ADGRL1: variants seen among roughly 807,000 people sequenced by gnomAD.
ADGRL1 encodes the protein adhesion G protein-coupled receptor L1.
A neutral mutation model predicts 148.9 loss-of-function variants in ADGRL1; 31 were observed. That is an observed-to-expected ratio of 0.21 (90% CI 0.16 to 0.28). ADGRL1 has a LOEUF of 0.28. Among genes scored for constraint, ADGRL1 ranks in the 10% least tolerant of loss-of-function variants. The pLI is 1.00. For missense variants in ADGRL1, 1,521 were observed against 2,058.8 expected, an observed-to-expected ratio of 0.74 and a Z score of 5.05; for synonymous variants, 937 against 900.3, an observed-to-expected ratio of 1.04 and a Z score of -0.73.
In ADGRL1 at chr19:14,168,901, C is replaced by T. The variant is rs557803253; in HGVS notation, c.394+1781G>A. 2.6e-5 allele frequency: 4 copies of T among 152,372 alleles called. No individual in the cohort carries two copies. The East Asian group carries it at 7.7e-4, about 29-fold the overall frequency. The allele number at this position is 152,372 out of a possible 1,614,324, so 9.4% of individuals were successfully genotyped here. On this transcript the variant is annotated intron_variant, in intron 4 of 22. Transcript: ENST00000361434. ...ACCTCACTGGCCGTCTTTTGAGAAC[C>T]CTGTCTACAGATGGGAAAACTGAGG...
At chr19:14,156,878 G>GGGGTC in intron 15 of ADGRL1, 47 bp downstream of exon 15, 1 of 1,587,980 alleles carries the variant, frequency 6.3e-7, no homozygotes, top group Non-Finnish European at 8.6e-7. Flanking sequence ...GTGCCGCCCA[G>GGGGTC]CAGGGAACCA....
chr19:14,194,528 T>G (rs1239181155), intron 1 of ADGRL1, among the ~76,000 whole-genome samples: 2 of 152,068 alleles, frequency 1.3e-5, no homozygotes, highest in Non-Finnish European at 2.9e-5. Context: ...CTAATAACCA[T>G]TTAGGAAGGA....
chr19:14,149,024 G>C lies in ADGRL1; in HGVS notation c.*1849C>G, dbSNP rs1405269044. ...GGCACTTGTGAGAAAAGGAGGGGCAGAGAGATGGGGAGAGGTCAGAGCAGA... is the reference window on the plus strand; with the variant it reads ...GGCACTTGTGAGAAAAGGAGGGGCACAGAGATGGGGAGAGGTCAGAGCAGA... On this transcript the variant is annotated 3_prime_UTR_variant, in exon 23 of 23. Transcript: ENST00000361434. 1 of 152,928 alleles carries C rather than the reference G, an allele frequency of 6.5e-6. No individual in the cohort carries two copies. Among genetic ancestry groups the C allele is most frequent in the African/African-American group, 2.4e-5 (1 of 41,436 alleles). The allele number at this position is 152,928 out of a possible 1,614,324, so 9.5% of individuals were successfully genotyped here. A position where few individuals can be genotyped will look rare whatever the true frequency, so the allele number is the denominator to read the frequency against.
chr19:14,166,572 G>A (rs1969981655), intron 4 of ADGRL1, among the ~76,000 whole-genome samples: 1 of 149,606 alleles, frequency 6.7e-6, no homozygotes, highest in South Asian at 2.1e-4. Context: ...CAGAGAGAGA[G>A]AGAGAGAGAA....
At chr19:14,172,202 A>G (rs1416994338) in intron 3 of ADGRL1, among the ~76,000 whole-genome samples, 1 of 152,120 alleles carries the variant, frequency 6.6e-6, no homozygotes, top group African/African-American at 2.4e-5. Context: ...CGGGTGGATC[A>G]CCTGATGTCA....
At chr19:14,192,913 C>T (rs1393660230) in intron 1 of ADGRL1, among the ~76,000 whole-genome samples, 1 of 152,108 alleles carries the variant, frequency 6.6e-6, no homozygotes, top group East Asian at 1.9e-4. Flanking sequence ...TTGGTTTCCC[C>T]GACTCCTGTC....
rs1307836642 is a variant in ADGRL1 at position 14,151,288 on chromosome 19, T to C, written c.3995A>G (p.Tyr1332Cys). The C allele has an allele frequency of 1.2e-6, 2 of 1,611,402 alleles. No individual in the cohort carries two copies. The highest frequency in any genetic ancestry group is 8.5e-7 in the Non-Finnish European group (1 of 1,179,442). Reference protein sequence around the residue: ...GADRAEIELLYKALEEPLLLP... With the variant: ...GADRAEIELLCKALEEPLLLP... ...CAGCAGAGGCTCCTCCAGGGCCTTATAGAGAAGTTCAATCTCGGCCCGGTC... is the reference window on the plus strand; with the variant it reads ...CAGCAGAGGCTCCTCCAGGGCCTTACAGAGAAGTTCAATCTCGGCCCGGTC... Residue 1332 changes from tyrosine (Y) to cysteine (C), a missense_variant, in exon 23 of 23, where the codon TAT (tyrosine) becomes TGT (cysteine). Around this residue, in one of 8 missense-constraint regions of ADGRL1, gnomAD observed 390 missense variants for 375.0 expected, o/e 1.04. Transcript: ENST00000361434.
chr19:14,153,091 A>T (rs1397743800), intron 18 of ADGRL1, among the ~76,000 whole-genome samples, 179 bp from the exon 19 acceptor site: 1 of 152,144 alleles, frequency 6.6e-6, no homozygotes. Flanking sequence ...CTGTCCCCCA[A>T]CAGCCAGCCG....
chr19:14,185,240 C>G (rs577395994), intron 1 of ADGRL1, among the ~76,000 whole-genome samples: 1 of 152,308 alleles, frequency 6.6e-6, no homozygotes, highest in South Asian at 2.1e-4. Flanking sequence ...GGTGTGGTCC[C>G]AGCACACTGG....
intron 1 of ADGRL1, among the ~76,000 whole-genome samples, chr19:14,205,713 C>T (rs955944326): frequency 1.3e-5 from 2 of 151,290 alleles, no homozygotes; most frequent in African/African-American, 4.8e-5. Context: ...CCCCGCCAGG[C>T]ACCCTGCGGT....
In ADGRL1 at chr19:14,152,658, C is replaced by G. The variant is rs758889200; in HGVS notation, c.3424-45G>C. ...GTGAGGGGATCCTTGGGCCACCCAC[C>G]CTCTGGCGTCTTTCTGAGACTGCTC... On this transcript the variant is annotated intron_variant, in intron 19 of 22. Transcript: ENST00000361434. The surrounding 1 kb of genome is among the most constrained non-coding windows in gnomAD (Gnocchi z 6.1). The G allele has an allele frequency of 8.1e-6, 13 of 1,602,664 alleles. No homozygotes were observed. The highest frequency in any genetic ancestry group is 2.7e-5 in the African/African-American group (2 of 74,668).
chr19:14,160,284 T>C lies in ADGRL1; in HGVS notation c.1628A>G (p.Glu543Gly), dbSNP rs1203443824. The C allele has an allele frequency of 6.3e-7, 1 of 1,590,778 alleles. No individual in the cohort carries two copies. Among genetic ancestry groups the C allele is most frequent in the Admixed American group, 1.7e-5 (1 of 59,520 alleles). ...NQVAQKIKSG[E>G]NAANIASELA... ...CTCGCTGGCGATGTTGGCCGCGTTCTCCCCACTCTTGATCTGCATGAGGTG... is the reference window on the plus strand; with the variant it reads ...CTCGCTGGCGATGTTGGCCGCGTTCCCCCCACTCTTGATCTGCATGAGGTG... The change falls in exon 8 of 23, where the codon GAG becomes GGG. Residue 543 changes from glutamate to glycine, a missense_variant. Glu to Gly is a moderately conservative substitution (Grantham distance 98). Coordinates refer to ENST00000361434, the MANE Select transcript of ADGRL1 (RefSeq NM_014921.5). The surrounding 1 kb of genome is among the most constrained non-coding windows in gnomAD (Gnocchi z 5.9).
chr19:14,174,535 ATTTTTTTTT>A (rs35665946), intron 3 of ADGRL1, among the ~76,000 whole-genome samples: 3 of 136,624 alleles, frequency 2.2e-5, no homozygotes, highest in African/African-American at 8.4e-5. Flanking sequence ...GGTAACACAC[ATTTTTTTTT>A]TTTTTTTTTG....
rs1428529164 is a variant in ADGRL1 at position 14,151,274 on chromosome 19, C to T, written c.4009G>A (p.Glu1337Lys). Reference sequence around the variant, plus strand: ...TGGGCCCGGGGCAGCAGCAGAGGCTCCTCCAGGGCCTTATAGAGAAGTTCA... The same window carrying T: ...TGGGCCCGGGGCAGCAGCAGAGGCTTCTCCAGGGCCTTATAGAGAAGTTCA... ...EIELLYKALEEPLLLPRAQSV... is the reference protein window; with the variant it reads ...EIELLYKALEKPLLLPRAQSV... Residue 1337 changes from glutamate (E) to lysine (K), a missense_variant, in exon 23 of 23, where the codon GAG becomes AAG. Coordinates refer to ENST00000361434, the MANE Select transcript of ADGRL1 (RefSeq NM_014921.5). 2 of 1,611,748 alleles carry T rather than the reference C, an allele frequency of 1.2e-6. No homozygotes were observed. The highest frequency in any genetic ancestry group is 3.3e-5 in the Admixed American group (2 of 59,948).
At position 14,157,739 on chromosome 19, in the gene ADGRL1, C is replaced by T. The variant is rs1968916164; in HGVS notation, c.2535+143G>A. 2.0e-6 allele frequency: 2 copies of T among 998,706 alleles called. No homozygotes were observed. Among genetic ancestry groups the T allele is most frequent in the Non-Finnish European group, 2.9e-6 (2 of 692,552 alleles). 61.9% of individuals were successfully genotyped at this position (998,706 alleles called of 1,614,324 possible). ...GGCCATAGAGGACCAGACGCATGGC[C>T]TCATGCCCCAGGCAAGACCAGGGGC... is the stretch of plus-strand genomic sequence containing the variant. On this transcript the variant is annotated intron_variant, in intron 13 of 22. Coordinates refer to ENST00000361434, the MANE Select transcript of ADGRL1 (RefSeq NM_014921.5). The surrounding 1 kb of genome is among the most constrained non-coding windows in gnomAD (Gnocchi z 7.5).
intron 1 of ADGRL1, among the ~76,000 whole-genome samples, chr19:14,201,073 G>A (rs1191547065): frequency 1.3e-5 from 2 of 152,266 alleles, no homozygotes; most frequent in South Asian, 2.1e-4. Context: ...GGTGGCCTCT[G>A]AGCATCCTAT....
At position 14,156,824 on chromosome 19, in the gene ADGRL1, A is replaced by G; in HGVS notation, c.2967-100T>C. The G allele has an allele frequency of 6.6e-6, 10 of 1,516,374 alleles. No homozygotes were observed. The Admixed American group carries it at 1.9e-4, about 28-fold the overall frequency. 93.9% of individuals were successfully genotyped at this position (1,516,374 alleles called of 1,614,324 possible). ...TCTGCAGGCTGCAGCCTCTGGGATC[A>G]GGAGGAGGAAGGGACTACCGCCCTG... is the stretch of plus-strand genomic sequence containing the variant. On this transcript the variant is annotated intron_variant, in intron 15 of 22. Coordinates refer to ENST00000361434, the MANE Select transcript of ADGRL1 (RefSeq NM_014921.5).
chr19:14,166,900 G>T, intron 4 of ADGRL1: 1 of 1,112,004 alleles, frequency 9.0e-7, no homozygotes, highest in Non-Finnish European at 1.4e-6. Context: ...GATACCGACC[G>T]GACCAAGTGT....
chr19:14,179,395 G>A (rs1480800563), intron 2 of ADGRL1, among the ~76,000 whole-genome samples: 1 of 151,334 alleles, frequency 6.6e-6, no homozygotes, highest in East Asian at 2.0e-4. Flanking sequence ...TTGGGAGGCT[G>A]AGGAAGGAGA....
Sources: allele counts gnomAD v4.1 joint callset (sites outside exome capture counted in the v4.1 genomes callset), GRCh38; gene constraint gnomAD v4.1.1; regional missense constraint gnomAD v4.1.1; non-coding constraint Gnocchi (gnomAD v3.1); transcripts MANE v1.5; gene names NCBI Gene and HGNC (gene_info 2026-07-23, HGNC 2026-07-21).